The following MALRD1 variants were observed in gnomAD, a reference collection of about 807,000 sequenced individuals.
MALRD1 encodes the protein MAM and LDL receptor class A domain containing 1.
In MALRD1, 247 loss-of-function variants were observed where a neutral mutation model predicts 242.1. The observed-to-expected ratio is 1.02, with a 90% CI of 0.92 to 1.13. The LOEUF is 1.13. Among genes scored for constraint, MALRD1 ranks in the 50% most tolerant of loss-of-function variants. MALRD1 has a pLI of 0.00. For missense variants in MALRD1, 2,989 were observed against 2,533.1 expected, an observed-to-expected ratio of 1.18 and a Z score of -3.86; for synonymous variants, 995 against 866.6, an observed-to-expected ratio of 1.15 and a Z score of -2.60.
chr10:19,623,789 G>A (rs533604022), intron 36 of MALRD1, among the ~76,000 whole-genome samples: 1 of 152,182 alleles, frequency 6.6e-6, no homozygotes, highest in East Asian at 1.9e-4. Context: ...TAGTGAAGGT[G>A]AATCTTTTTT....
chr10:19,575,135 C>G (rs1360563010), intron 33 of MALRD1, among the ~76,000 whole-genome samples: 1 of 152,050 alleles, frequency 6.6e-6, no homozygotes, highest in African/African-American at 2.4e-5. Flanking sequence ...TTTGAATTGC[C>G]CCGTTTCACT....
chr10:19,104,715 CATGAT>C (rs1356724570), intron 5 of MALRD1, among the ~76,000 whole-genome samples: 2 of 151,864 alleles, frequency 1.3e-5, no homozygotes, highest in Admixed American at 6.6e-5. Context: ...TATATTGTGG[CATGAT>C]ATAACAGAAT....
chr10:19,657,316 A>T (rs956053831), intron 36 of MALRD1, among the ~76,000 whole-genome samples: 10 of 152,098 alleles, frequency 6.6e-5, no homozygotes, highest in African/African-American at 1.4e-4. Context: ...CTAACTGTGT[A>T]CATTCTTCCA....
chr10:19,726,505 T>C (rs1835032288), intron 38 of MALRD1, among the ~76,000 whole-genome samples: 1 of 152,164 alleles, frequency 6.6e-6, no homozygotes. Context: ...TTGGTGGGAA[T>C]GTAAGATGGT....
At chr10:19,400,415 A>G (rs1846783075) in intron 28 of MALRD1, among the ~76,000 whole-genome samples, 1 of 152,184 alleles carries the variant, frequency 6.6e-6, no homozygotes, top group Non-Finnish European at 1.5e-5. Context: ...ATGCTGCATG[A>G]TGACTGAGTA....
At chr10:19,719,229 T>TACATAC (rs1209706914) in intron 38 of MALRD1, among the ~76,000 whole-genome samples, 7 of 22,732 alleles carry the variant, frequency 3.1e-4, no homozygotes, top group Non-Finnish European at 5.5e-4. Flanking sequence ...CATACATATA[T>TACATAC]ATATATATAT....
intron 21 of MALRD1, among the ~76,000 whole-genome samples, chr10:19,306,951 T>C (rs1426021734): frequency 6.6e-6 from 1 of 151,364 alleles, no homozygotes; most frequent in East Asian, 2.0e-4. Context: ...ATGTGGGGAT[T>C]ATGGGAACTA....
chr10:19,577,892 C>T (rs75034956), intron 33 of MALRD1, among the ~76,000 whole-genome samples: 6,163 of 152,104 alleles, frequency 0.041, 381 homozygotes, highest in African/African-American at 0.13. Context: ...CAGAAAAGCT[C>T]AGCATCCAAA....
intron 21 of MALRD1, among the ~76,000 whole-genome samples, chr10:19,295,440 T>C (rs1475646100): frequency 6.8e-6 from 1 of 146,268 alleles, no homozygotes; most frequent in Non-Finnish European, 1.5e-5. Flanking sequence ...CCATTTTTTA[T>C]GCCTTGCCCA....
At chr10:19,381,556 G>A (rs61850926) in intron 26 of MALRD1, among the ~76,000 whole-genome samples, 3,118 of 151,754 alleles carry the variant, frequency 0.021, 37 homozygotes, top group Middle Eastern at 0.034. Flanking sequence ...GGCCAGGCAC[G>A]GTGGCTCACG....
At chr10:19,304,215 C>T (rs960875478) in intron 21 of MALRD1, among the ~76,000 whole-genome samples, 11 of 151,754 alleles carry the variant, frequency 7.2e-5, no homozygotes, top group African/African-American at 2.7e-4. Flanking sequence ...GGCCTGTGGA[C>T]TTGGACTAAA....
intron 5 of MALRD1, among the ~76,000 whole-genome samples, chr10:19,106,011 A>G (rs979923223): frequency 5.9e-5 from 9 of 151,782 alleles, no homozygotes; most frequent in African/African-American, 2.2e-4. Context: ...GAAGATTTTT[A>G]GTTTGATGTA....
intron 14 of MALRD1, among the ~76,000 whole-genome samples, chr10:19,195,546 G>A (rs1282564962): frequency 6.6e-6 from 1 of 152,030 alleles, no homozygotes; most frequent in Non-Finnish European, 1.5e-5. Context: ...ATGTTTAATT[G>A]GGATCTTAAA....
chr10:19,623,364 A>G (rs1206336898), intron 36 of MALRD1, among the ~76,000 whole-genome samples: 2 of 152,144 alleles, frequency 1.3e-5, no homozygotes, highest in Non-Finnish European at 2.9e-5. Flanking sequence ...TAAAATATAG[A>G]GAATGATGCT....
chr10:19,191,371 C>T (rs1457106041), intron 14 of MALRD1, among the ~76,000 whole-genome samples: 2 of 152,126 alleles, frequency 1.3e-5, no homozygotes, highest in African/African-American at 4.8e-5. Flanking sequence ...ATGTGGGAAT[C>T]AGAACTCTTG....
chr10:19,483,518 A>G (rs1408860007), intron 29 of MALRD1, among the ~76,000 whole-genome samples: 3 of 152,202 alleles, frequency 2.0e-5, no homozygotes, highest in Non-Finnish European at 2.9e-5. Context: ...GAAGACATAC[A>G]TATGGTCAAC....
chr10:19,443,692 G>T (rs1308343183), intron 28 of MALRD1, among the ~76,000 whole-genome samples: 1 of 152,174 alleles, frequency 6.6e-6, no homozygotes, highest in Non-Finnish European at 1.5e-5. Flanking sequence ...GAGACAGTTT[G>T]TTATAATTTC....
At chr10:19,533,166 C>T (rs1467822229) in intron 32 of MALRD1, among the ~76,000 whole-genome samples, 1 of 152,220 alleles carries the variant, frequency 6.6e-6, no homozygotes, top group Non-Finnish European at 1.5e-5. Context: ...TAGCTACTCA[C>T]CAGCTGGGCC....
intron 32 of MALRD1, among the ~76,000 whole-genome samples, chr10:19,547,471 A>T (rs1835257050): frequency 6.6e-6 from 1 of 151,106 alleles, no homozygotes; most frequent in Non-Finnish European, 1.5e-5. Flanking sequence ...GCAATGCTTT[A>T]AAAAAAAATC....
Sources: allele counts gnomAD v4.1 joint callset (sites outside exome capture counted in the v4.1 genomes callset), GRCh38; gene constraint gnomAD v4.1.1; transcripts MANE v1.5; gene names NCBI Gene and HGNC (gene_info 2026-07-23, HGNC 2026-07-21).